The following LIMS1 variants were observed in gnomAD, a reference collection of about 807,000 sequenced individuals.
LIMS1 encodes LIM and senescent cell antigen-like-containing domain protein 1.
Under a neutral mutation model 44.1 loss-of-function variants are expected in LIMS1, and 18 were observed. The ratio of observed to expected loss-of-function variants is 0.41; its 90% CI spans 0.28 to 0.61. LIMS1 has a LOEUF of 0.61. LIMS1 is among the 20% of genes least tolerant of loss of function. The pLI, the probability that LIMS1 is intolerant of heterozygous loss-of-function variation, is 0.32. For missense variants in LIMS1, 201 were observed against 422.0 expected (o/e 0.48, Z 4.59); for synonymous variants, 93 against 149.1 (o/e 0.62, Z 2.74).
chr2:108,664,378 CAGTT>C (rs1053299356), intron 2 of LIMS1, among the ~76,000 whole-genome samples: 1 of 152,218 alleles, frequency 6.6e-6, no homozygotes, highest in African/African-American at 2.4e-5. Flanking sequence ...AAACTTAAAA[CAGTT>C]AGAGCCATTC....
At chr2:108,538,159 C>CT (rs1462330092) in intron 1 of LIMS1, among the ~76,000 whole-genome samples, 2 of 152,214 alleles carry the variant, frequency 1.3e-5, no homozygotes, top group East Asian at 3.8e-4. Flanking sequence ...CTTCCAAAAA[C>CT]TTTAATTTTA....
chr2:108,649,629 A>T (rs1376649504), intron 1 of LIMS1, among the ~76,000 whole-genome samples: 3 of 152,240 alleles, frequency 2.0e-5, no homozygotes, highest in Admixed American at 6.5e-5. Flanking sequence ...ACACCATAGG[A>T]TATTATGCAG....
At chr2:108,571,024 C>T (rs766885593) in intron 1 of LIMS1, among the ~76,000 whole-genome samples, 1 of 152,218 alleles carries the variant, frequency 6.6e-6, no homozygotes, top group Non-Finnish European at 1.5e-5. Context: ...GGGCATTAAT[C>T]AGTTACAGAA....
chr2:108,594,875 T>C (rs2104697489), intron 1 of LIMS1, among the ~76,000 whole-genome samples: 1 of 151,688 alleles, frequency 6.6e-6, no homozygotes, highest in African/African-American at 2.4e-5. Context: ...GCTACCAAAG[T>C]AGACAGCATA....
At position 108,670,701 on chromosome 2, in the gene LIMS1, T is replaced by C. The variant is rs1692106821; in HGVS notation, c.193-80T>C. ...AGAACTCTTAGTTTAGAAACATCTT[T>C]CCTGTATATCTTCATCAAATAATTA... On this transcript the variant is annotated intron_variant, in intron 2 of 9. Coordinates refer to ENST00000544547, the Ensembl canonical transcript of LIMS1. 7 of 1,479,716 alleles carry C rather than the reference T, an allele frequency of 4.7e-6. No homozygotes were observed. In the East Asian group the frequency reaches 1.6e-4, roughly 33 times the overall value. 91.7% of individuals were successfully genotyped at this position (1,479,716 alleles called of 1,614,324 possible). A position where few individuals can be genotyped will look rare whatever the true frequency, so the allele number is the denominator to read the frequency against.
intron 1 of LIMS1, among the ~76,000 whole-genome samples, chr2:108,590,297 T>G (rs1686315157): frequency 6.6e-6 from 1 of 152,218 alleles, no homozygotes; most frequent in Admixed American, 6.5e-5. Context: ...AAATAAGGAA[T>G]AGTTATAATG....
chr2:108,656,314 T>TAG (rs1558831189), intron 1 of LIMS1, among the ~76,000 whole-genome samples: 116 of 68,060 alleles, frequency 1.7e-3, no homozygotes, highest in African/African-American at 4.4e-3. Flanking sequence ...TCTATCTATC[T>TAG]ATCTATAGAT....
Position 108,680,603 on chromosome 2 carries a change from C to T in LIMS1, c.824-92C>T, listed in dbSNP as rs188546549. The stretch of plus-strand genomic sequence containing the variant: ...CTCCACCAAGTGCCACAGACACAGT[C>T]GTAGTTCTGTTTTGGAGTTGAAATT... On this transcript the variant is annotated intron_variant, in intron 8 of 9. Coordinates refer to ENST00000544547, the Ensembl canonical transcript of LIMS1. 2.6e-4 allele frequency: 399 copies of T among 1,547,630 alleles called. 3 individuals are homozygous for T. In the East Asian group the frequency reaches 7.5e-3, roughly 29 times the overall value.
At chr2:108,539,819 G>A (rs6754683) in intron 1 of LIMS1, among the ~76,000 whole-genome samples, 57,676 of 151,854 alleles carry the variant, frequency 0.38, 12,627 homozygotes, top group East Asian at 0.89. Flanking sequence ...CTTTTCCTCC[G>A]GACTTATACT....
At chr2:108,546,678 C>CTTT (rs377170614) in intron 1 of LIMS1, among the ~76,000 whole-genome samples, 1 of 88,638 alleles carries the variant, frequency 1.1e-5, no homozygotes, top group Non-Finnish European at 2.8e-5. Flanking sequence ...TTTGAGTGAT[C>CTTT]TTTTTTTTTT....
chr2:108,586,795 A>G (rs567580076), intron 1 of LIMS1, among the ~76,000 whole-genome samples: 1 of 152,232 alleles, frequency 6.6e-6, no homozygotes, highest in South Asian at 2.1e-4. Context: ...TCCCTCTCCC[A>G]AGAGAGATCG....
chr2:108,667,053 AGC>A (rs1573596615), intron 2 of LIMS1, among the ~76,000 whole-genome samples: 1 of 151,714 alleles, frequency 6.6e-6, no homozygotes, highest in East Asian at 2.0e-4. Context: ...CTTAACCTTC[AGC>A]TCCTCTCTGC....
At chr2:108,670,669 T>C (rs1489202488) in intron 2 of LIMS1, 112 bp from the exon 3 acceptor site, 4 of 697,096 alleles carry the variant, frequency 5.7e-6, no homozygotes, top group Non-Finnish European at 9.9e-6. Flanking sequence ...TTATAAATTC[T>C]TAGAGTAGAA....
intron 2 of LIMS1, among the ~76,000 whole-genome samples, chr2:108,666,292 C>T (rs1185973337): frequency 4.0e-5 from 6 of 151,090 alleles, no homozygotes; most frequent in Non-Finnish European, 8.9e-5. Context: ...CAGGGAAACA[C>T]TTTTACTGGT....
intron 1 of LIMS1, among the ~76,000 whole-genome samples, chr2:108,561,746 G>GTTTTTTTTTTT (rs200154866): frequency 7.5e-6 from 1 of 134,128 alleles, no homozygotes; most frequent in Non-Finnish European, 1.6e-5. Flanking sequence ...GTTTTTTTTT[G>GTTTTTTTTTTT]TTTTTTTTTT....
chr2:108,570,298 C>T (rs572346376), intron 1 of LIMS1, among the ~76,000 whole-genome samples: 2 of 152,110 alleles, frequency 1.3e-5, no homozygotes, highest in Non-Finnish European at 2.9e-5. Flanking sequence ...AGCATGGTGG[C>T]GCGTGCCTGT....
chr2:108,535,504 A>G (rs1321869043), intron 1 of LIMS1, among the ~76,000 whole-genome samples: 1 of 152,168 alleles, frequency 6.6e-6, no homozygotes, highest in African/African-American at 2.4e-5. Flanking sequence ...TCTGTCTTGC[A>G]GTTTGAATGC....
At chr2:108,554,049 TG>T (rs551449364) in intron 1 of LIMS1, among the ~76,000 whole-genome samples, 3 of 152,204 alleles carry the variant, frequency 2.0e-5, no homozygotes, top group Non-Finnish European at 4.4e-5. Flanking sequence ...ATGACAAAGC[TG>T]ATGTTGAGAC....
At chr2:108,630,728 A>G (rs1688867894) in intron 1 of LIMS1, among the ~76,000 whole-genome samples, 1 of 151,988 alleles carries the variant, frequency 6.6e-6, no homozygotes, top group East Asian at 1.9e-4. Flanking sequence ...GCTGTCAGCT[A>G]CCTGTGTGTC....
Sources: allele counts gnomAD v4.1 joint callset (sites outside exome capture counted in the v4.1 genomes callset), GRCh38; gene constraint gnomAD v4.1.1; transcripts MANE v1.5; gene names NCBI Gene and HGNC (gene_info 2026-07-23, HGNC 2026-07-21).